The following CHD6 variants were observed in gnomAD, a reference collection of about 807,000 sequenced individuals.
CHD6 encodes the protein chromodomain helicase DNA binding protein 6.
A neutral mutation model predicts 276.9 loss-of-function variants in CHD6; 50 were observed. That is an observed-to-expected ratio of 0.18 (90% CI 0.14 to 0.23). The LOEUF is 0.23. Among genes scored for constraint, CHD6 ranks in the 10% least tolerant of loss-of-function variants. CHD6 has a pLI of 1.00. For missense variants in CHD6, 2,564 were observed against 3,365.8 expected (o/e 0.76, Z 5.89); for synonymous variants, 1,173 against 1,229.3 (o/e 0.95, Z 0.96).
At chr20:41,446,398 C>T (rs75787500) in intron 24 of CHD6, among the ~76,000 whole-genome samples, 2,750 of 151,912 alleles carry the variant, frequency 0.018, 36 homozygotes, top group Non-Finnish European at 0.031. Flanking sequence ...CATAACTCAC[C>T]CCAGGGCACA....
intron 17 of CHD6, among the ~76,000 whole-genome samples, chr20:41,461,332 AG>A (rs1303474636): frequency 6.6e-6 from 1 of 152,180 alleles, no homozygotes; most frequent in Non-Finnish European, 1.5e-5. Context: ...TGGAGGGGCC[AG>A]GGGCAGAGTG....
intron 18 of CHD6, among the ~76,000 whole-genome samples, chr20:41,456,720 T>C (rs1368306303): frequency 2.0e-5 from 3 of 152,236 alleles, no homozygotes; most frequent in Non-Finnish European, 4.4e-5. Flanking sequence ...TGTTTGCCTA[T>C]ACTTTAAGAT....
At chr20:41,544,985 G>A (rs573456646) in intron 2 of CHD6, among the ~76,000 whole-genome samples, 69 of 152,222 alleles carry the variant, frequency 4.5e-4, no homozygotes, top group African/African-American at 1.5e-3. Context: ...TAACATACAA[G>A]CAAAGAATTA....
chr20:41,498,116 A>T, intron 7 of CHD6, 52 bp downstream of exon 7: 1 of 1,242,468 alleles, frequency 8.0e-7, no homozygotes, highest in Non-Finnish European at 1.2e-6. Context: ...AAGAGAAAAA[A>T]AGTTTTATTC....
At chr20:41,417,381 T>G (rs1158699423) in intron 31 of CHD6, 32 bp from the exon 32 acceptor site, 2 of 1,596,962 alleles carry the variant, frequency 1.3e-6, no homozygotes, top group Non-Finnish European at 1.7e-6. Context: ...AATCAGGCAC[T>G]TAACTATAGT....
chr20:41,434,650 A>G (rs532564102), intron 27 of CHD6, among the ~76,000 whole-genome samples: 32 of 152,194 alleles, frequency 2.1e-4, no homozygotes, highest in Non-Finnish European at 4.4e-4. Flanking sequence ...GACTACAGGC[A>G]TGAGTCACCG....
At position 41,483,523 on chromosome 20, in the gene CHD6, A is replaced by G. The variant is rs1268796418; in HGVS notation, c.2258-4T>C. 5 of 1,603,198 alleles carry G rather than the reference A, an allele frequency of 3.1e-6. No individual in the cohort carries two copies. The African/African-American group carries it at 5.4e-5, about 17-fold the overall frequency. The stretch of plus-strand genomic sequence containing the variant: ...TCTAGAATTTTCTCCTCTGCTCCTG[A>G]AAAGGAATGGAACAAAACTATTCCT... On this transcript the variant is annotated splice_region_variant and splice_polypyrimidine_tract_variant and intron_variant, in intron 15 of 36. Coordinates refer to ENST00000373233, the MANE Select transcript of CHD6 (RefSeq NM_032221.5).
intron 3 of CHD6, among the ~76,000 whole-genome samples, chr20:41,519,255 CCTGA>C (rs1327308288): frequency 6.6e-6 from 1 of 151,778 alleles, no homozygotes; most frequent in Admixed American, 6.6e-5. Context: ...TGCACTCCAA[CCTGA>C]CTGTCAGAGT....
At chr20:41,501,946 T>C (rs770713338) in intron 5 of CHD6, among the ~76,000 whole-genome samples, 2 of 152,308 alleles carry the variant, frequency 1.3e-5, no homozygotes, top group Non-Finnish European at 2.9e-5. Context: ...ATATCCTCTT[T>C]TGTGAACCTC....
chr20:41,456,103 T>G, intron 18 of CHD6, 124 bp from the exon 19 acceptor site: 2 of 902,474 alleles, frequency 2.2e-6, no homozygotes, highest in Non-Finnish European at 3.2e-6. Context: ...ACAAAGGACG[T>G]GGGCAACAAA....
chr20:41,532,141 C>T (rs1030079228), intron 3 of CHD6, among the ~76,000 whole-genome samples: 1 of 152,152 alleles, frequency 6.6e-6, no homozygotes, highest in Admixed American at 6.5e-5. Flanking sequence ...ATTCCCTGCA[C>T]AAGGAATGCA....
At chr20:41,444,000 G>A (rs1406328646) in intron 25 of CHD6, among the ~76,000 whole-genome samples, 1 of 152,206 alleles carries the variant, frequency 6.6e-6, no homozygotes, top group Non-Finnish European at 1.5e-5. Context: ...GACTTCAGAT[G>A]TGTTCTCTTT....
At chr20:41,588,044 C>T (rs1601170834) in intron 1 of CHD6, among the ~76,000 whole-genome samples, 1 of 151,840 alleles carries the variant, frequency 6.6e-6, no homozygotes, top group African/African-American at 2.4e-5. Context: ...AAAGTAGAGG[C>T]AGGTAGCAGC....
chr20:41,577,936 A>T (rs971300961), intron 1 of CHD6, among the ~76,000 whole-genome samples: 15 of 152,230 alleles, frequency 9.9e-5, no homozygotes, highest in Non-Finnish European at 1.9e-4. Flanking sequence ...GGATTAAATA[A>T]ATTAGTAGAT....
Position 41,599,811 on chromosome 20 carries a change from C to A in CHD6, c.-24+18529G>T, listed in dbSNP as rs536651975. 5.4e-4 allele frequency among the ~76,000 whole-genome samples: 83 copies of A among 152,322 alleles called. No homozygotes were observed. In the South Asian group the frequency reaches 0.017, roughly 31 times the overall value. ...AGCAAATCTCTGACTCTGTAAACAA[C>A]CCCTCCCAACTAGTTGGTAATAGAC... On this transcript the variant is annotated intron_variant, in intron 1 of 36. Transcript: ENST00000373233.
intron 1 of CHD6, among the ~76,000 whole-genome samples, chr20:41,611,148 T>C (rs1184180188): frequency 6.6e-6 from 1 of 152,228 alleles, no homozygotes; most frequent in East Asian, 1.9e-4. Flanking sequence ...GAGGCAAATA[T>C]AAATAGATAA....
chr20:41,468,470 G>A (rs1184301923), intron 17 of CHD6, among the ~76,000 whole-genome samples: 2 of 152,054 alleles, frequency 1.3e-5, no homozygotes, highest in Non-Finnish European at 2.9e-5. Flanking sequence ...CTGCTTATCT[G>A]TAATTATCTT....
chr20:41,535,809 C>A (rs144356348), intron 2 of CHD6, among the ~76,000 whole-genome samples: 2,399 of 152,088 alleles, frequency 0.016, 30 homozygotes, highest in Non-Finnish European at 0.023. Flanking sequence ...GAAGTTACAA[C>A]GGGCTATGAT....
At chr20:41,579,109 A>G (rs55740160) in intron 1 of CHD6, among the ~76,000 whole-genome samples, 49,400 of 133,670 alleles carry the variant, frequency 0.37, 11,321 homozygotes, top group African/African-American at 0.64. Context: ...CAGCCTGGGC[A>G]ACAGAACGAG....
Sources: gnomAD v4.1 joint callset for allele counts (sites outside exome capture counted in the v4.1 genomes callset) on GRCh38, gnomAD v4.1.1 for gene constraint, MANE v1.5 for transcripts, NCBI Gene and HGNC (gene_info 2026-07-23, HGNC 2026-07-21) for gene names.